Variants in NCOA2 observed in about 807,000 individuals in gnomAD.
The protein encoded by NCOA2 is nuclear receptor coactivator 2, also known as class E basic helix-loop-helix protein 75.
In NCOA2, 21 loss-of-function variants were observed where a neutral mutation model predicts 145.1. The observed-to-expected ratio is 0.14, with a 90% CI of 0.10 to 0.21. The LOEUF (loss-of-function observed/expected upper bound fraction) is 0.21. Ranked by LOEUF, NCOA2 falls within the 10% of genes least tolerant of loss-of-function variation. The probability of loss-of-function intolerance (pLI) is 1.00; values close to 1 mark genes in which losing one functional copy is unlikely to be tolerated. For missense variants in NCOA2, 1,472 were observed against 1,837.6 expected (o/e 0.80, Z 3.64); for synonymous variants, 619 against 637.5 (o/e 0.97, Z 0.44).
At chr8:70,393,877 A>G (rs556109871) in intron 1 of NCOA2, among the ~76,000 whole-genome samples, 29 of 152,348 alleles carry the variant, frequency 1.9e-4, no homozygotes, top group African/African-American at 6.5e-4. Flanking sequence ...TTGTTTTCCA[A>G]TGCCCTTCAA....
At chr8:70,422,346 T>G in the NCOA2 span, among the ~76,000 whole-genome samples, 1 of 151,950 alleles carries the variant, frequency 6.6e-6, no homozygotes, top group African/African-American at 2.4e-5. Flanking sequence ...TGAAGTCTCG[T>G]GTTTTGCCTT....
At chr8:70,310,346 CA>C (rs34849703) in intron 1 of NCOA2, among the ~76,000 whole-genome samples, 12,636 of 72,536 alleles carry the variant, frequency 0.17, 411 homozygotes, top group East Asian at 0.39. Flanking sequence ...TCTGTCTTCC[CA>C]AAAAAAAAAA....
Position 70,112,268 on chromosome 8 carries a change from T to G in NCOA2, c.*1364A>C. On this transcript the variant is annotated 3_prime_UTR_variant, in exon 23 of 23. Coordinates refer to ENST00000452400, the MANE Select transcript of NCOA2 (RefSeq NM_006540.4). ...TTTACAAAACACCTTTAGGAGACAT[T>G]GCTATGAAGATATCTAATTTAATAC... is the stretch of plus-strand genomic sequence containing the variant. The G allele has an allele frequency of 5.1e-6, 1 of 198,016 alleles. No homozygotes were observed. The highest frequency in any genetic ancestry group is 1.0e-5 in the Non-Finnish European group (1 of 95,464). The allele number at this position is 198,016 out of a possible 1,614,324, so 12.3% of individuals were successfully genotyped here.
the NCOA2 span, among the ~76,000 whole-genome samples, chr8:70,451,213 G>A: frequency 3.8e-4 from 22 of 57,432 alleles, no homozygotes; most frequent in Non-Finnish European, 5.3e-4. Context: ...GCAAGACTCC[G>A]TCTCAAAAAA....
intron 5 of NCOA2, 93 bp downstream of exon 5, chr8:70,174,663 A>T (rs768146998): frequency 8.3e-7 from 1 of 1,200,442 alleles, no homozygotes. Context: ...ACTAGTGTGG[A>T]TTCTCCTTAA....
chr8:70,394,621 A>G (rs1813494696), intron 1 of NCOA2, among the ~76,000 whole-genome samples: 1 of 152,228 alleles, frequency 6.6e-6, no homozygotes, highest in Non-Finnish European at 1.5e-5. Context: ...AACTCCAAAG[A>G]GGCAGGCATT....
intron 4 of NCOA2, among the ~76,000 whole-genome samples, chr8:70,204,109 G>A (rs113760210): frequency 0.076 from 11,550 of 152,008 alleles, 557 homozygotes; most frequent in African/African-American, 0.14. Flanking sequence ...CCGGGTTCAA[G>A]CGATTCTTCT....
At chr8:70,286,963 C>A (rs894645089) in intron 2 of NCOA2, among the ~76,000 whole-genome samples, 1 of 151,898 alleles carries the variant, frequency 6.6e-6, no homozygotes, top group Non-Finnish European at 1.5e-5. Flanking sequence ...GGTTTTTTGG[C>A]CAGGTGTGGT....
chr8:70,286,071 G>GA (rs1246168788), intron 2 of NCOA2, among the ~76,000 whole-genome samples: 13 of 152,254 alleles, frequency 8.5e-5, no homozygotes, highest in African/African-American at 2.6e-4. Flanking sequence ...AGGTATGCAA[G>GA]AAAAGTTTCC....
At chr8:70,411,167 G>A in the NCOA2 span, among the ~76,000 whole-genome samples, 1 of 152,090 alleles carries the variant, frequency 6.6e-6, no homozygotes, top group Non-Finnish European at 1.5e-5. Flanking sequence ...AACAAACATT[G>A]TACTCAATAT....
chr8:70,145,084 C>T (rs1300007722), intron 12 of NCOA2, among the ~76,000 whole-genome samples: 2 of 152,206 alleles, frequency 1.3e-5, no homozygotes, highest in African/African-American at 4.8e-5. Flanking sequence ...AAAACAAACA[C>T]ATGTATATTA....
intron 4 of NCOA2, among the ~76,000 whole-genome samples, chr8:70,178,695 A>G (rs531999351): frequency 7.1e-4 from 108 of 152,346 alleles, no homozygotes; most frequent in African/African-American, 2.5e-3. Flanking sequence ...GCAAGCCCTC[A>G]GTTCAAAAAA....
intron 1 of NCOA2, among the ~76,000 whole-genome samples, chr8:70,313,128 T>C (rs866376792): frequency 2.2e-4 from 33 of 152,210 alleles, no homozygotes; most frequent in Admixed American, 9.2e-4. Flanking sequence ...ATTAACCTAC[T>C]TGTAACATGG....
chr8:70,418,118 T>C, the NCOA2 span, among the ~76,000 whole-genome samples: 1 of 152,186 alleles, frequency 6.6e-6, no homozygotes, highest in African/African-American at 2.4e-5. Context: ...TTCTACTTCT[T>C]AATTCTCAGA....
In NCOA2 at chr8:70,111,363, A is replaced by C; in HGVS notation, c.*2269T>G. On this transcript the variant is annotated 3_prime_UTR_variant, in exon 23 of 23. Coordinates refer to ENST00000452400, the MANE Select transcript of NCOA2 (RefSeq NM_006540.4). ...CTCTTTTGTGCTGTGTGAAGTTAAA[A>C]GTCATTCTAATTCACATATTTCTGA... The C allele has an allele frequency of 4.5e-6, 1 of 224,280 alleles. No individual in the cohort carries two copies. Among genetic ancestry groups the C allele is most frequent in the Non-Finnish European group, 8.9e-6 (1 of 112,398 alleles). The allele number at this position is 224,280 out of a possible 1,614,324, so 13.9% of individuals were successfully genotyped here. A position where few individuals can be genotyped will look rare whatever the true frequency, so the allele number is the denominator to read the frequency against.
the NCOA2 span, among the ~76,000 whole-genome samples, chr8:70,443,475 T>A: frequency 6.6e-6 from 1 of 152,240 alleles, no homozygotes; most frequent in South Asian, 2.1e-4. Context: ...CATATTTGTA[T>A]ATATTTTGAA....
At chr8:70,395,845 T>C (rs998932794) in intron 1 of NCOA2, among the ~76,000 whole-genome samples, 18 of 152,340 alleles carry the variant, frequency 1.2e-4, no homozygotes, top group African/African-American at 4.3e-4. Flanking sequence ...TCATATTTCA[T>C]ATGGACACAC....
chr8:70,153,515 C>T (rs936453566), intron 11 of NCOA2, among the ~76,000 whole-genome samples: 2 of 152,158 alleles, frequency 1.3e-5, no homozygotes, highest in Non-Finnish European at 2.9e-5. Flanking sequence ...CTCTAAGTCC[C>T]TTGGGCCTCA....
At position 70,163,484 on chromosome 8, in the gene NCOA2, A is replaced by G. The variant is rs577525059; in HGVS notation, c.813T>C (p.Thr271=). 1 of 1,613,628 alleles carries G rather than the reference A, an allele frequency of 6.2e-7. No homozygotes were observed. Among genetic ancestry groups the G allele is most frequent in the South Asian group, 1.1e-5 (1 of 91,074 alleles). ...RPVLPSSESF[T]TRQDLQGKIT... ...ATTTACCTTGGAGATCCTGGCGAGT[A>G]GTAAAACTTTCTGATGAGGGAAGAA... is the stretch of plus-strand genomic sequence containing the variant. Residue 271 remains threonine, a synonymous_variant, in exon 8 of 23, where the codon ACT becomes ACC. Coordinates refer to ENST00000452400, the MANE Select transcript of NCOA2 (RefSeq NM_006540.4).
Sources: allele counts gnomAD v4.1 joint callset (sites outside exome capture counted in the v4.1 genomes callset), GRCh38; gene constraint gnomAD v4.1.1; transcripts MANE v1.5; gene names NCBI Gene and HGNC (gene_info 2026-07-23, HGNC 2026-07-21).